The following OOSP1 variants were observed in gnomAD, a reference collection of about 807,000 sequenced individuals.
OOSP1 encodes the protein putative oocyte-secreted protein 1 homolog.
Under a neutral mutation model 5.7 loss-of-function variants are expected in OOSP1, and 11 were observed. The ratio of observed to expected loss-of-function variants is 1.94; its 90% confidence interval spans 1.22 to 3.20. The LOEUF (loss-of-function observed/expected upper bound fraction) is 3.20. Among genes scored for constraint, OOSP1 ranks in the 30% most tolerant of loss-of-function variants. OOSP1 has a pLI of 0.00. For synonymous variants in OOSP1, 44 were observed against 20.0 expected (o/e 2.20, Z -3.20); for missense variants, 83 against 54.1 (o/e 1.53, Z -1.67).
At chr11:59,956,633 G>A (rs1270115090) in intron 4 of OOSP1, among the ~76,000 whole-genome samples, 2 of 151,928 alleles carry the variant, frequency 1.3e-5, no homozygotes, top group East Asian at 1.9e-4. Context: ...GTGGTGATTC[G>A]TGAGATTTTG....
chr11:59,949,160 G>A (rs909466442), intron 4 of OOSP1: 24 of 168,000 alleles, frequency 1.4e-4, no homozygotes, highest in African/African-American at 5.7e-4. Context: ...CTAAGGCTTA[G>A]TTGTGGTTGG....
chr11:59,941,283 G>A (rs747044647), intron 1 of OOSP1, among the ~76,000 whole-genome samples: 1 of 152,054 alleles, frequency 6.6e-6, no homozygotes, highest in Non-Finnish European at 1.5e-5. Flanking sequence ...TCCATGGCAT[G>A]ATTGTACCAT....
intron 4 of OOSP1, among the ~76,000 whole-genome samples, chr11:59,956,728 CCA>C (rs1481605592): frequency 6.6e-6 from 1 of 152,070 alleles, no homozygotes; most frequent in African/African-American, 2.4e-5. Context: ...CCCTGAGTCC[CCA>C]GAGTCCACTG....
chr11:59,947,804 A>C (rs993302440), exon 4 of OOSP1: 1 of 398,816 alleles, frequency 2.5e-6, no homozygotes, highest in Non-Finnish European at 4.4e-6. Context: ...TGGGAGATAG[A>C]GGTGAGGATA....
At chr11:59,946,058 C>A (rs1175311520) in intron 3 of OOSP1, among the ~76,000 whole-genome samples, 1 of 152,112 alleles carries the variant, frequency 6.6e-6, no homozygotes, top group Admixed American at 6.6e-5. Context: ...TCCATAACCC[C>A]TGAGCCATGG....
At chr11:59,939,912 A>T (rs971239078) in intron 1 of OOSP1, among the ~76,000 whole-genome samples, 1 of 151,478 alleles carries the variant, frequency 6.6e-6, no homozygotes, top group African/African-American at 2.4e-5. Context: ...ACTGCTAATT[A>T]AAAAAAAATT....
At chr11:59,956,926 T>TATAA (rs1261154355) in intron 4 of OOSP1, among the ~76,000 whole-genome samples, 1 of 152,154 alleles carries the variant, frequency 6.6e-6, no homozygotes, top group Non-Finnish European at 1.5e-5. Context: ...TATATATATA[T>TATAA]ATAACAGTTT....
chr11:59,944,112 T>A (rs575991844), intron 2 of OOSP1, among the ~76,000 whole-genome samples: 1 of 152,126 alleles, frequency 6.6e-6, no homozygotes, highest in Non-Finnish European at 1.5e-5. Flanking sequence ...GCACAGGGCT[T>A]CACATTCCTG....
intron 3 of OOSP1, 109 bp from the exon 4 acceptor site, chr11:59,947,624 A>G (rs1346801838): frequency 2.5e-6 from 1 of 394,836 alleles, no homozygotes; most frequent in Non-Finnish European, 4.5e-6. Context: ...GCAGAAATCA[A>G]TACATCTACT....
At chr11:59,951,808 A>G (rs1434971380) in intron 4 of OOSP1, among the ~76,000 whole-genome samples, 2 of 126,990 alleles carry the variant, frequency 1.6e-5, no homozygotes, top group African/African-American at 6.0e-5. Flanking sequence ...TTTAGCTGAC[A>G]ACCACTATTT....
At position 59,955,487 on chromosome 11, in the gene OOSP1, T is replaced by A. The variant is rs1853986509; in HGVS notation, c.487-1708T>A. On this transcript the variant is annotated intron_variant, in intron 4 of 4. Coordinates refer to ENST00000646685, the Ensembl canonical transcript of OOSP1. ...AGAATAAGCCCAATTATACAATAAATGATTTAATTGCTTTTTAAATAATGG... is the reference window on the plus strand; with the variant it reads ...AGAATAAGCCCAATTATACAATAAAAGATTTAATTGCTTTTTAAATAATGG... Among the ~76,000 whole-genome samples, 3 of 152,216 alleles carry A rather than the reference T, an allele frequency of 2.0e-5. No individual in the cohort carries two copies. In the South Asian group the frequency reaches 6.2e-4, roughly 31 times the overall value.
chr11:59,952,439 G>C (rs1029952931), intron 4 of OOSP1, among the ~76,000 whole-genome samples: 3 of 152,100 alleles, frequency 2.0e-5, no homozygotes, highest in Admixed American at 2.0e-4. Context: ...ATATACCATG[G>C]AATACAACTT....
At chr11:59,943,955 T>C (rs1169654610) in intron 2 of OOSP1, among the ~76,000 whole-genome samples, 1 of 152,138 alleles carries the variant, frequency 6.6e-6, no homozygotes, top group Non-Finnish European at 1.5e-5. Flanking sequence ...ATTCCACAGA[T>C]TGGGTAACAC....
At chr11:59,938,565 A>G in intron 1 of OOSP1, 35 bp downstream of exon 1, 1 of 473,346 alleles carries the variant, frequency 2.1e-6, no homozygotes, top group Non-Finnish European at 3.8e-6. Flanking sequence ...GAAGTTTCTT[A>G]AAGAGAGCTG....
chr11:59,945,323 C>A (rs745538008), intron 3 of OOSP1, 57 bp downstream of exon 3: 2 of 702,426 alleles, frequency 2.8e-6, no homozygotes, highest in Non-Finnish European at 5.2e-6. Context: ...ACTGTCCAGA[C>A]AAAAATGCCA....
chr11:59,946,086 G>A (rs192171792), intron 3 of OOSP1, among the ~76,000 whole-genome samples: 44 of 152,260 alleles, frequency 2.9e-4, no homozygotes, highest in African/African-American at 9.9e-4. Context: ...GTGGTCCCTT[G>A]CCTGTCAGGA....
intron 1 of OOSP1, among the ~76,000 whole-genome samples, chr11:59,941,505 G>C (rs1031373100): frequency 4.0e-5 from 6 of 151,774 alleles, no homozygotes; most frequent in African/African-American, 1.5e-4. Context: ...TCAGCCTCCT[G>C]AGTAGCTGGG....
chr11:59,943,171 C>T, intron 2 of OOSP1, 143 bp downstream of exon 2: 1 of 203,890 alleles, frequency 4.9e-6, no homozygotes, highest in Non-Finnish European at 8.9e-6. Context: ...CGATAGTTTG[C>T]TAAGAATGAT....
At position 59,944,191 on chromosome 11, in the gene OOSP1, A is replaced by G. The variant is rs144010850; in HGVS notation, c.259-978A>G. ...GGCCAGGGGTAAGACAGCCCTCAGC[A>G]GCTACATAATTCCTGGAGGGGGTGA... On this transcript the variant is annotated intron_variant, in intron 2 of 4. Transcript: ENST00000646685. Among the ~76,000 whole-genome samples, 518 of 152,240 alleles carry G rather than the reference A, an allele frequency of 3.4e-3. 3 individuals carry two copies. Among genetic ancestry groups the G allele is most frequent in the Non-Finnish European group, 6.1e-3 (417 of 68,018 alleles).
Sources: allele counts gnomAD v4.1 joint callset (sites outside exome capture counted in the v4.1 genomes callset), GRCh38; gene constraint gnomAD v4.1.1; transcripts MANE v1.5; gene names NCBI Gene and HGNC (gene_info 2026-07-23, HGNC 2026-07-21).